Variants in CSMD2 observed in about 807,000 individuals in gnomAD.
CSMD2 encodes the protein CUB and Sushi multiple domains 2.
A neutral mutation model predicts 398.5 loss-of-function variants in CSMD2; 130 were observed. The observed-to-expected ratio is 0.33, with a 90% CI of 0.28 to 0.38. The LOEUF (loss-of-function observed/expected upper bound fraction) is 0.38, where lower values mean the gene tolerates loss of function less well. CSMD2 is among the 10% of genes least tolerant of loss of function. CSMD2 has a pLI of 1.00. For missense variants in CSMD2, 3,829 were observed against 4,764.9 expected, an observed-to-expected ratio of 0.80 and a Z score of 5.78; for synonymous variants, 1,828 against 1,908.5, an observed-to-expected ratio of 0.96 and a Z score of 1.10.
intron 1 of CSMD2, among the ~76,000 whole-genome samples, chr1:34,133,502 G>A (rs1340164950): frequency 6.6e-6 from 1 of 151,984 alleles, no homozygotes; most frequent in African/African-American, 2.4e-5. Flanking sequence ...GTGGTGGTGG[G>A]TGCCAGTAAT....
At chr1:33,562,403 T>C (rs529185798) in intron 53 of CSMD2, among the ~76,000 whole-genome samples, 1 of 152,336 alleles carries the variant, frequency 6.6e-6, no homozygotes, top group South Asian at 2.1e-4. Context: ...CTCAGATTCC[T>C]GCTCTGCAGC....
rs781426644 is a variant in CSMD2, at chr1:33,739,099, T to C, written c.2368+41A>G. 3 of 1,580,304 alleles carry C rather than the reference T, an allele frequency of 1.9e-6. No homozygotes were observed. The Admixed American group carries it at 5.5e-5, about 29-fold the overall frequency. On this transcript the variant is annotated intron_variant, in intron 15 of 70. Transcript: ENST00000373381. ...GCTTGCTCCCCCTCCCCAGCCTCTC[T>C]GGCTGACAATGGCCACTGCTCCCAG...
At chr1:33,529,542 A>C (rs140995513) in intron 64 of CSMD2, among the ~76,000 whole-genome samples, 7 of 152,354 alleles carry the variant, frequency 4.6e-5, no homozygotes, top group African/African-American at 1.7e-4. Context: ...GGGAAAGAAT[A>C]GTCTTGCCAA....
intron 47 of CSMD2, among the ~76,000 whole-genome samples, chr1:33,583,432 A>G (rs567213405): frequency 3.9e-5 from 6 of 152,306 alleles, no homozygotes; most frequent in African/African-American, 1.2e-4. Context: ...AAGGTTCGGT[A>G]ACAGGTTCAA....
At chr1:33,886,846 A>C (rs1641628720) in intron 5 of CSMD2, among the ~76,000 whole-genome samples, 1 of 152,228 alleles carries the variant, frequency 6.6e-6, no homozygotes, top group African/African-American at 2.4e-5. Flanking sequence ...AATAAAGGGA[A>C]AGTGACTCCC....
chr1:33,805,006 G>A (rs1656061078), intron 10 of CSMD2: 1 of 651,374 alleles, frequency 1.5e-6, no homozygotes, highest in Non-Finnish European at 2.8e-6. Flanking sequence ...CACACTCTAA[G>A]CGGTGCTCTG....
Position 33,543,025 on chromosome 1 carries a change from C to A in CSMD2, c.9101-129G>T, listed in dbSNP as rs1656510958. 7.6e-6 allele frequency: 5 copies of A among 660,906 alleles called. No individual in the cohort carries two copies. In the South Asian group the frequency reaches 1.1e-4, roughly 14 times the overall value. 40.9% of individuals were successfully genotyped at this position (660,906 alleles called of 1,614,324 possible). A position where few individuals can be genotyped will look rare whatever the true frequency, so the allele number is the denominator to read the frequency against. The stretch of plus-strand genomic sequence containing the variant: ...GTGGATAGAAATGCCTCTCATGCTG[C>A]TTTTGTATCGAATTATCTTGCCCCT... On this transcript the variant is annotated intron_variant, in intron 57 of 70. Transcript: ENST00000373381.
At chr1:34,045,694 C>G (rs1452620690) in intron 2 of CSMD2, among the ~76,000 whole-genome samples, 1 of 152,190 alleles carries the variant, frequency 6.6e-6, no homozygotes, top group Non-Finnish European at 1.5e-5. Flanking sequence ...GGAGTCACAG[C>G]AGACCCACCT....
intron 3 of CSMD2, among the ~76,000 whole-genome samples, chr1:33,946,763 C>T (rs960495673): frequency 5.9e-5 from 7 of 117,944 alleles, no homozygotes; most frequent in South Asian, 2.5e-4. Flanking sequence ...GGATTACAGG[C>T]GCGCACCACC....
intron 1 of CSMD2, among the ~76,000 whole-genome samples, chr1:34,143,615 T>C (rs1444735578): frequency 6.6e-6 from 1 of 152,196 alleles, no homozygotes; most frequent in Non-Finnish European, 1.5e-5. Flanking sequence ...TCAAACTCTA[T>C]ATCCCAGAAC....
chr1:34,162,096 C>T (rs1169346615), intron 1 of CSMD2, among the ~76,000 whole-genome samples: 3 of 148,786 alleles, frequency 2.0e-5, no homozygotes, highest in Non-Finnish European at 4.4e-5. Flanking sequence ...CACTTGAACC[C>T]GGGAGGCAGA....
At chr1:33,859,166 A>G (rs918981220) in intron 5 of CSMD2, among the ~76,000 whole-genome samples, 1 of 152,188 alleles carries the variant, frequency 6.6e-6, no homozygotes, top group Non-Finnish European at 1.5e-5. Context: ...TAAAGAACAC[A>G]AATTTATTGT....
chr1:33,517,702 G>A (rs1019947514), intron 70 of CSMD2, among the ~76,000 whole-genome samples: 1 of 152,210 alleles, frequency 6.6e-6, no homozygotes, highest in African/African-American at 2.4e-5. Context: ...TTGGAGAGAC[G>A]TAAAAAGATG....
intron 53 of CSMD2, among the ~76,000 whole-genome samples, chr1:33,560,134 C>T (rs1195599459): frequency 6.6e-6 from 1 of 152,142 alleles, no homozygotes; most frequent in East Asian, 1.9e-4. Context: ...CTCGGCTGCT[C>T]TCAGCTGTTG....
chr1:33,639,459 TTC>T (rs1349841284), intron 29 of CSMD2, among the ~76,000 whole-genome samples: 2 of 152,228 alleles, frequency 1.3e-5, no homozygotes, highest in African/African-American at 4.8e-5. Context: ...TCTGGCAGAA[TTC>T]TGTTTTTCTT....
chr1:33,719,743 G>A (rs1289994264), intron 19 of CSMD2, among the ~76,000 whole-genome samples: 2 of 152,142 alleles, frequency 1.3e-5, no homozygotes, highest in South Asian at 2.1e-4. Context: ...CAGGTTCCAG[G>A]TTCTTCAACT....
intron 13 of CSMD2, among the ~76,000 whole-genome samples, chr1:33,754,738 G>C (rs1648756050): frequency 6.6e-6 from 1 of 152,172 alleles, no homozygotes; most frequent in Non-Finnish European, 1.5e-5. Flanking sequence ...ATGGAGTTAT[G>C]CTAAAAATTT....
intron 2 of CSMD2, among the ~76,000 whole-genome samples, chr1:34,047,156 C>G (rs956431906): frequency 6.6e-6 from 1 of 152,056 alleles, no homozygotes; most frequent in African/African-American, 2.4e-5. Flanking sequence ...TGCCACTACC[C>G]GCTCCCACTC....
intron 3 of CSMD2, among the ~76,000 whole-genome samples, chr1:33,991,225 T>C (rs1181689269): frequency 6.6e-6 from 1 of 152,162 alleles, no homozygotes; most frequent in Non-Finnish European, 1.5e-5. Flanking sequence ...CCAGCTGGCA[T>C]GGAACTCCTG....
Sources: gnomAD v4.1 joint callset for allele counts (sites outside exome capture counted in the v4.1 genomes callset) on GRCh38, gnomAD v4.1.1 for gene constraint, MANE v1.5 for transcripts, NCBI Gene and HGNC (gene_info 2026-07-23, HGNC 2026-07-21) for gene names.